NRXN3: variants seen among roughly 807,000 people sequenced by gnomAD.
NRXN3 encodes the protein neurexin III.
A neutral mutation model predicts 137.6 loss-of-function variants in NRXN3; 32 were observed. That is an observed-to-expected ratio of 0.23 (90% CI 0.18 to 0.31). NRXN3 has a LOEUF of 0.31. NRXN3 is among the 10% of genes least tolerant of loss of function. NRXN3 has a pLI of 1.00. For missense variants in NRXN3, 1,574 were observed against 2,062.5 expected (o/e 0.76, Z 4.59); for synonymous variants, 798 against 784.5 (o/e 1.02, Z -0.29).
intron 15 of NRXN3, among the ~76,000 whole-genome samples, chr14:79,162,075 C>G (rs1253127535): frequency 6.7e-6 from 1 of 150,262 alleles, no homozygotes; most frequent in Non-Finnish European, 1.5e-5. Context: ...GCTACATTAC[C>G]TGAGGCAATT....
intron 1 of NRXN3, among the ~76,000 whole-genome samples, chr14:78,218,451 T>C (rs1444365928): frequency 6.6e-6 from 1 of 152,222 alleles, no homozygotes; most frequent in Admixed American, 6.5e-5. Context: ...GGTCAAATTT[T>C]ATTTCCCCAT....
At position 78,529,330 on chromosome 14, in the gene NRXN3, A is replaced by G. The variant is rs535706948; in HGVS notation, c.758-115790A>G. On this transcript the variant is annotated intron_variant, in intron 4 of 20. Coordinates refer to ENST00000335750, the MANE Select transcript of NRXN3 (RefSeq NM_001330195.2). Reference sequence around the variant, plus strand: ...ATTGTTTCCTAGATAATGGCATAAAATAAGAGTGGGAAATTCAAATCCCCT... The same window carrying G: ...ATTGTTTCCTAGATAATGGCATAAAGTAAGAGTGGGAAATTCAAATCCCCT... Among the ~76,000 whole-genome samples the G allele has an allele frequency of 7.2e-4, 109 of 152,338 alleles. No individual in the cohort carries two copies. In the South Asian group the frequency reaches 0.01, roughly 14 times the overall value.
chr14:78,836,179 A>G (rs1444184511), intron 10 of NRXN3, among the ~76,000 whole-genome samples: 1 of 152,230 alleles, frequency 6.6e-6, no homozygotes, highest in Non-Finnish European at 1.5e-5. Flanking sequence ...TAAATTTTCC[A>G]GAACACAGAG....
chr14:78,297,392 A>AAGTTTCTACAG (rs2076450553), intron 3 of NRXN3, among the ~76,000 whole-genome samples: 1 of 152,324 alleles, frequency 6.6e-6, no homozygotes, highest in African/African-American at 2.4e-5. Flanking sequence ...GATTTTTCCC[A>AAGTTTCTACAG]AGTTTCTACA....
rs1354287405 is a variant in NRXN3, at chr14:78,868,111, C to T, written c.2275+57767C>T. Reference sequence around the variant, plus strand: ...AAATTATTAAGTAAATTTGTTTTCTCTTATAAATCTGTCTTTATTACAGGA... The same window carrying T: ...AAATTATTAAGTAAATTTGTTTTCTTTTATAAATCTGTCTTTATTACAGGA... On this transcript the variant is annotated intron_variant, in intron 10 of 20. Transcript: ENST00000335750. Among the ~76,000 whole-genome samples, 5 of 150,588 alleles carry T rather than the reference C, an allele frequency of 3.3e-5. No individual in the cohort carries two copies. The East Asian group carries it at 9.7e-4, about 29-fold the overall frequency.
At chr14:79,102,523 C>A (rs1226260982) in intron 15 of NRXN3, among the ~76,000 whole-genome samples, 3 of 152,134 alleles carry the variant, frequency 2.0e-5, no homozygotes, top group Non-Finnish European at 4.4e-5. Flanking sequence ...CTGAGTACCT[C>A]CCATGTGCAA....
At chr14:79,265,442 T>C (rs1274577588) in intron 15 of NRXN3, among the ~76,000 whole-genome samples, 1 of 151,952 alleles carries the variant, frequency 6.6e-6, no homozygotes, top group Non-Finnish European at 1.5e-5. Flanking sequence ...GTTACCCTAG[T>C]GCCAATGGTA....
At position 79,863,029 on chromosome 14, in the gene NRXN3, T is replaced by A. The variant is rs1011654278; in HGVS notation, c.*1065T>A. On this transcript the variant is annotated 3_prime_UTR_variant, in exon 21 of 21. Transcript: ENST00000335750. The stretch of plus-strand genomic sequence containing the variant: ...AAATGCATGCAAATAAAAAAGACAA[T>A]ATTAAAGTCTGTTATCAAACCAGAC... 4.6e-5 allele frequency: 7 copies of A among 152,408 alleles called. No homozygotes were observed. Among genetic ancestry groups the A allele is most frequent in the African/African-American group, 1.7e-4 (7 of 41,384 alleles). The allele number at this position is 152,408 out of a possible 1,614,324, so 9.4% of individuals were successfully genotyped here. A position where few individuals can be genotyped will look rare whatever the true frequency, so the allele number is the denominator to read the frequency against.
At chr14:78,221,394 T>G (rs1228972074) in intron 1 of NRXN3, among the ~76,000 whole-genome samples, 1 of 152,078 alleles carries the variant, frequency 6.6e-6, no homozygotes, top group Non-Finnish European at 1.5e-5. Context: ...GGGTACAGGT[T>G]ACTGGAGCGG....
At chr14:78,778,813 TTTCTTTC>T (rs1567286941) in intron 8 of NRXN3, among the ~76,000 whole-genome samples, 4 of 128,686 alleles carry the variant, frequency 3.1e-5, no homozygotes, top group Non-Finnish European at 5.0e-5. Flanking sequence ...TCTTTCTTTC[TTTCTTTC>T]TTTTCCTTCT....
chr14:79,787,142 A>G (rs1238941484), intron 19 of NRXN3, among the ~76,000 whole-genome samples: 2 of 152,350 alleles, frequency 1.3e-5, no homozygotes, highest in Non-Finnish European at 1.5e-5. Flanking sequence ...TCTCTGGTAC[A>G]TGGTTGTAGA....
intron 15 of NRXN3, among the ~76,000 whole-genome samples, chr14:79,243,523 A>G (rs2074642803): frequency 6.6e-6 from 1 of 152,216 alleles, no homozygotes; most frequent in African/African-American, 2.4e-5. Context: ...AATCTGTACT[A>G]TAGCCACATG....
At chr14:78,566,821 A>G (rs2096840786) in intron 4 of NRXN3, among the ~76,000 whole-genome samples, 1 of 152,140 alleles carries the variant, frequency 6.6e-6, no homozygotes, top group Non-Finnish European at 1.5e-5. Context: ...AATGCAGACC[A>G]AGTCCACAGT....
intron 10 of NRXN3, among the ~76,000 whole-genome samples, chr14:78,940,748 C>T (rs1043870871): frequency 1.3e-5 from 2 of 152,148 alleles, no homozygotes; most frequent in African/African-American, 4.8e-5. Context: ...CCCCAACTAC[C>T]GTGTACTCCC....
chr14:78,852,728 TTAAA>T (rs1446761597), intron 10 of NRXN3, among the ~76,000 whole-genome samples: 5 of 152,290 alleles, frequency 3.3e-5, no homozygotes, highest in African/African-American at 1.2e-4. Context: ...TTATTATAAC[TTAAA>T]TAATAAGTTA....
intron 4 of NRXN3, among the ~76,000 whole-genome samples, chr14:78,574,852 G>A (rs1046456476): frequency 9.9e-5 from 15 of 152,158 alleles, no homozygotes; most frequent in Non-Finnish European, 1.5e-4. Flanking sequence ...ATGGCAAACC[G>A]CACAAGAATT....
chr14:79,610,046 A>T (rs2098080173), intron 16 of NRXN3, among the ~76,000 whole-genome samples: 1 of 152,196 alleles, frequency 6.6e-6, no homozygotes, highest in Non-Finnish European at 1.5e-5. Flanking sequence ...TTGTATACCT[A>T]GGTAACAAAC....
chr14:79,151,465 G>A (rs919866653), intron 15 of NRXN3, among the ~76,000 whole-genome samples: 2 of 152,070 alleles, frequency 1.3e-5, no homozygotes, highest in Non-Finnish European at 2.9e-5. Context: ...CATCAGAACA[G>A]GGGCAGGAGG....
intron 15 of NRXN3, among the ~76,000 whole-genome samples, chr14:79,190,642 C>T (rs569247128): frequency 5.3e-5 from 8 of 152,040 alleles, no homozygotes; most frequent in South Asian, 2.1e-4. Context: ...CAAAAGAAGC[C>T]GTGTGTATGG....
Sources: allele counts gnomAD v4.1 joint callset (sites outside exome capture counted in the v4.1 genomes callset), GRCh38; gene constraint gnomAD v4.1.1; transcripts MANE v1.5; gene names NCBI Gene and HGNC (gene_info 2026-07-23, HGNC 2026-07-21).